Variants in GMDS observed in about 807,000 individuals in gnomAD.
The protein encoded by GMDS is GDP-mannose 4,6 dehydratase.
Under a neutral mutation model 49.9 loss-of-function variants are expected in GMDS, and 20 were observed. The ratio of observed to expected loss-of-function variants is 0.40; its 90% CI spans 0.28 to 0.58. The LOEUF (loss-of-function observed/expected upper bound fraction) is 0.58, where lower values mean the gene tolerates loss of function less well. Among genes scored for constraint, GMDS ranks in the 20% least tolerant of loss-of-function variants. The pLI is 0.42. For missense variants in GMDS, 362 were observed against 481.4 expected, an observed-to-expected ratio of 0.75 and a Z score of 2.32; for synonymous variants, 177 against 178.6, an observed-to-expected ratio of 0.99 and a Z score of 0.07.
chr6:1,856,317 T>C (rs1465710251), intron 7 of GMDS, among the ~76,000 whole-genome samples: 1 of 152,266 alleles, frequency 6.6e-6, no homozygotes, highest in African/African-American at 2.4e-5. Flanking sequence ...AAATGTGCTC[T>C]AACCTACCTG....
chr6:1,856,694 C>G (rs1043544560), intron 7 of GMDS, among the ~76,000 whole-genome samples: 86 of 152,186 alleles, frequency 5.7e-4, no homozygotes, highest in Non-Finnish European at 8.8e-5. Context: ...GTAGGGGGCT[C>G]CACCCTAGAC....
At chr6:1,910,300 T>C (rs920451303) in intron 7 of GMDS, among the ~76,000 whole-genome samples, 3 of 149,234 alleles carry the variant, frequency 2.0e-5, no homozygotes, top group African/African-American at 7.4e-5. Context: ...AAGCTCAGAA[T>C]AATAAATGAA....
At position 1,656,425 on chromosome 6, in the gene GMDS, T is replaced by C. The variant is rs149337340; in HGVS notation, c.988-31885A>G. ...AATGGTGAATCAGTATACATGGTCA[T>C]GTAGGATTGATATGATTGTTGGAAA... On this transcript the variant is annotated intron_variant, in intron 9 of 10. Transcript: ENST00000380815. 1.8e-3 allele frequency among the ~76,000 whole-genome samples: 281 copies of C among 152,280 alleles called. 2 individuals are homozygous for C. Among genetic ancestry groups the C allele is most frequent in the African/African-American group, 6.5e-3 (269 of 41,558 alleles).
rs141339974 is a variant in GMDS at position 1,756,259 on chromosome 6, G to A, written c.772-13673C>T. Among the ~76,000 whole-genome samples the A allele has an allele frequency of 4.7e-3, 705 of 150,078 alleles. 8 individuals are homozygous for A. The highest frequency in any genetic ancestry group is 0.017 in the African/African-American group (670 of 40,434). ...CAAAGCTTCATGGCTGCAGCCTTTT[G>A]TTCTGGTTTTTTTTTTTTTTTGAGA... is the stretch of plus-strand genomic sequence containing the variant. On this transcript the variant is annotated intron_variant, in intron 7 of 10. Coordinates refer to ENST00000380815, the MANE Select transcript of GMDS (RefSeq NM_001500.4).
intron 9 of GMDS, among the ~76,000 whole-genome samples, chr6:1,725,373 C>T (rs1360603474): frequency 6.6e-6 from 1 of 152,118 alleles, no homozygotes; most frequent in Non-Finnish European, 1.5e-5. Context: ...AGAAATTCGC[C>T]CATCCATCTA....
At chr6:2,195,820 CAA>C (rs34797269) in intron 1 of GMDS, among the ~76,000 whole-genome samples, 7 of 108,310 alleles carry the variant, frequency 6.5e-5, no homozygotes, top group Non-Finnish European at 8.0e-5. Context: ...TTGTCTCTAC[CAA>C]AAAAAAAAAA....
At chr6:2,136,258 C>T (rs895071516) in intron 1 of GMDS, among the ~76,000 whole-genome samples, 1 of 152,228 alleles carries the variant, frequency 6.6e-6, no homozygotes, top group African/African-American at 2.4e-5. Context: ...AATACTTGAT[C>T]TGTTTTAGAT....
chr6:1,908,917 AG>A (rs1301082673), intron 7 of GMDS, among the ~76,000 whole-genome samples: 5 of 152,198 alleles, frequency 3.3e-5, no homozygotes, highest in African/African-American at 1.2e-4. Flanking sequence ...TTTTAGCTGG[AG>A]GGGGGTTACA....
chr6:1,978,316 T>G (rs941914264), intron 4 of GMDS, among the ~76,000 whole-genome samples: 2 of 151,908 alleles, frequency 1.3e-5, no homozygotes, highest in Non-Finnish European at 2.9e-5. Context: ...CCCAAGCGCA[T>G]GTATTAGGGA....
At chr6:1,690,301 G>A (rs1156543490) in intron 9 of GMDS, among the ~76,000 whole-genome samples, 1 of 152,048 alleles carries the variant, frequency 6.6e-6, no homozygotes, top group Non-Finnish European at 1.5e-5. Context: ...ATCTTTGCCC[G>A]TGCCTATGTA....
chr6:2,027,428 T>G (rs939260014), intron 4 of GMDS, among the ~76,000 whole-genome samples: 1 of 152,200 alleles, frequency 6.6e-6, no homozygotes, highest in South Asian at 2.1e-4. Flanking sequence ...GTGATTTTAT[T>G]TTAAAGCAGG....
chr6:2,010,326 C>CAAA (rs201372798), intron 4 of GMDS, among the ~76,000 whole-genome samples: 2 of 90,350 alleles, frequency 2.2e-5, no homozygotes, highest in Non-Finnish European at 4.3e-5. Flanking sequence ...GACTCCATCT[C>CAAA]AAAAAAAAAA....
chr6:1,757,415 T>C (rs1244842145), intron 7 of GMDS, among the ~76,000 whole-genome samples: 2 of 152,186 alleles, frequency 1.3e-5, no homozygotes, highest in Non-Finnish European at 2.9e-5. Context: ...ATTCTAGAAT[T>C]AGTTCCTGGC....
chr6:2,203,022 C>A (rs549643664), intron 1 of GMDS, among the ~76,000 whole-genome samples: 1 of 152,310 alleles, frequency 6.6e-6, no homozygotes, highest in South Asian at 2.1e-4. Context: ...TTTCTAAGAA[C>A]CGTTCTTGGT....
intron 4 of GMDS, among the ~76,000 whole-genome samples, chr6:2,086,452 T>C (rs769454193): frequency 2.0e-5 from 3 of 152,294 alleles, no homozygotes; most frequent in Admixed American, 1.3e-4. Context: ...ATCCAGACCT[T>C]TCAAGGCACA....
intron 7 of GMDS, among the ~76,000 whole-genome samples, chr6:1,784,085 A>C (rs1292461715): frequency 6.6e-6 from 1 of 152,228 alleles, no homozygotes; most frequent in Non-Finnish European, 1.5e-5. Flanking sequence ...TTGTAATAAA[A>C]GTAATATTTG....
intron 9 of GMDS, among the ~76,000 whole-genome samples, chr6:1,701,605 C>T (rs9503009): frequency 0.088 from 13,344 of 152,164 alleles, 929 homozygotes; most frequent in East Asian, 0.31. Context: ...ATTCAAATTT[C>T]TGAGGGAGTA....
chr6:1,823,936 C>T (rs985022484), intron 7 of GMDS, among the ~76,000 whole-genome samples: 3 of 152,168 alleles, frequency 2.0e-5, no homozygotes, highest in Admixed American at 6.5e-5. Context: ...AGCAGCCTAA[C>T]TGAGCACCTT....
At chr6:1,945,621 T>C (rs1161177015) in intron 6 of GMDS, among the ~76,000 whole-genome samples, 1 of 152,124 alleles carries the variant, frequency 6.6e-6, no homozygotes, top group Non-Finnish European at 1.5e-5. Flanking sequence ...GAACCCAATA[T>C]TCTTCACGCC....
Sources: allele counts gnomAD v4.1 joint callset (sites outside exome capture counted in the v4.1 genomes callset), GRCh38; gene constraint gnomAD v4.1.1; transcripts MANE v1.5; gene names NCBI Gene and HGNC (gene_info 2026-07-23, HGNC 2026-07-21).